Variants in FKBP5 observed in about 807,000 individuals in gnomAD.
FKBP5 encodes FKBP prolyl isomerase 5.
A neutral mutation model predicts 50.5 loss-of-function variants in FKBP5; 23 were observed. That is an observed-to-expected ratio of 0.46 (90% CI 0.33 to 0.65). The LOEUF (loss-of-function observed/expected upper bound fraction) is 0.65, where lower values mean the gene tolerates loss of function less well. Among genes scored for constraint, FKBP5 ranks in the 30% least tolerant of loss-of-function variants. The pLI is 0.02. For missense variants in FKBP5, 411 were observed against 553.1 expected (o/e 0.74, Z 2.58); for synonymous variants, 176 against 190.6 (o/e 0.92, Z 0.63).
intron 5 of FKBP5, among the ~76,000 whole-genome samples, chr6:35,614,025 A>G (rs1342669320): frequency 6.6e-6 from 1 of 152,126 alleles, no homozygotes; most frequent in Admixed American, 6.5e-5. Context: ...TCTTCTGGGT[A>G]GCTGGGACTA....
At chr6:35,586,337 T>G (rs1416367057) in intron 8 of FKBP5, 1 of 985,066 alleles carries the variant, frequency 1.0e-6, no homozygotes, top group African/African-American at 1.7e-5. Context: ...TATCCGGAGA[T>G]TCCTCATAAA....
intron 1 of FKBP5, among the ~76,000 whole-genome samples, chr6:35,723,089 T>C (rs1252935121): frequency 1.1e-4 from 16 of 151,786 alleles, no homozygotes; most frequent in Non-Finnish European, 1.6e-4. Context: ...AAAAATTAGC[T>C]GGGCGTGGTG....
intron 2 of FKBP5, among the ~76,000 whole-genome samples, chr6:35,638,473 C>G (rs952010036): frequency 6.6e-6 from 1 of 152,084 alleles, no homozygotes; most frequent in Non-Finnish European, 1.5e-5. Flanking sequence ...AGAGTGCATG[C>G]GGTGGTACAA....
chr6:35,648,376 C>A (rs929090496), intron 1 of FKBP5, among the ~76,000 whole-genome samples: 2 of 152,040 alleles, frequency 1.3e-5, no homozygotes, highest in African/African-American at 4.8e-5. Flanking sequence ...CTCAAGCAAT[C>A]CTCCCCTTCA....
At chr6:35,724,328 C>G (rs966345383) in intron 1 of FKBP5, among the ~76,000 whole-genome samples, 3 of 152,156 alleles carry the variant, frequency 2.0e-5, no homozygotes, top group Non-Finnish European at 2.9e-5. Flanking sequence ...ACGGAGCCCA[C>G]AGCCAGCAGG....
At chr6:35,690,158 C>T (rs558251401), upstream of FKBP5, among the ~76,000 whole-genome samples, 57 of 152,312 alleles carry the variant, frequency 3.7e-4, no homozygotes, top group South Asian at 3.7e-3. Context: ...CAGAAATCGC[C>T]ATGCTGCCTT....
chr6:35,712,519 CT>C (rs937721444), intron 2 of FKBP5, among the ~76,000 whole-genome samples: 2 of 152,034 alleles, frequency 1.3e-5, no homozygotes, highest in African/African-American at 4.8e-5. Flanking sequence ...CTAGTTGGGC[CT>C]GGCACTAGGA....
Position 35,640,096 on chromosome 6 carries a change from T to C in FKBP5, c.105+2624A>G, listed in dbSNP as rs1043417294. 9.2e-5 allele frequency among the ~76,000 whole-genome samples: 14 copies of C among 152,208 alleles called. No homozygotes were observed. The South Asian group carries it at 1.4e-3, about 16-fold the overall frequency. On this transcript the variant is annotated intron_variant, in intron 2 of 10. Transcript: ENST00000357266. ...AAATGCACGTGAAAATGATTAACTA[T>C]AGAGTGAAGAAACACACACAGTCAT...
At chr6:35,626,845 G>A (rs1022077487) in intron 3 of FKBP5, among the ~76,000 whole-genome samples, 3 of 152,074 alleles carry the variant, frequency 2.0e-5, no homozygotes, top group African/African-American at 7.2e-5. Context: ...TCCACTGTAC[G>A]TTTATATCAC....
chr6:35,700,636 C>T (rs560103643), intron 2 of FKBP5, among the ~76,000 whole-genome samples: 33 of 152,242 alleles, frequency 2.2e-4, no homozygotes, highest in African/African-American at 6.7e-4. Context: ...GTGCTGGGCT[C>T]ACCTCTCTGG....
chr6:35,698,902 A>G (rs543642284), intron 2 of FKBP5, among the ~76,000 whole-genome samples: 1 of 152,298 alleles, frequency 6.6e-6, no homozygotes, highest in South Asian at 2.1e-4. Context: ...CAAACCATGC[A>G]TGAGAAATCC....
intron 5 of FKBP5, among the ~76,000 whole-genome samples, chr6:35,598,283 C>T (rs138824588): frequency 9.2e-5 from 14 of 152,258 alleles, no homozygotes; most frequent in Middle Eastern, 3.4e-3. Flanking sequence ...AGTGCAGTGG[C>T]GTGATATCTG....
intron 5 of FKBP5, among the ~76,000 whole-genome samples, chr6:35,597,856 T>C (rs1763024023): frequency 1.3e-5 from 2 of 152,210 alleles, no homozygotes; most frequent in African/African-American, 4.8e-5. Context: ...TCCAATGATA[T>C]ACAAAGATTA....
chr6:35,654,184 T>C (rs917678570), intron 1 of FKBP5, among the ~76,000 whole-genome samples: 5 of 152,370 alleles, frequency 3.3e-5, no homozygotes, highest in Middle Eastern at 6.8e-3. Flanking sequence ...TTATTGTTTA[T>C]AGATTTTGGT....
chr6:35,644,577 T>C (rs946745436), intron 1 of FKBP5, among the ~76,000 whole-genome samples: 1 of 152,212 alleles, frequency 6.6e-6, no homozygotes, highest in Non-Finnish European at 1.5e-5. Context: ...TCTAGTACGC[T>C]TTATACCAAA....
chr6:35,603,541 CT>C (rs1211550688), intron 5 of FKBP5, among the ~76,000 whole-genome samples: 1 of 151,972 alleles, frequency 6.6e-6, no homozygotes, highest in African/African-American at 2.4e-5. Flanking sequence ...ATTAGTATTC[CT>C]ATTTTAATAA....
chr6:35,584,554 T>C, intron 8 of FKBP5: 1 of 985,360 alleles, frequency 1.0e-6, no homozygotes, highest in Non-Finnish European at 1.2e-6. Context: ...CTGCCCTGAG[T>C]TGGGAAGGGA....
intron 2 of FKBP5, 99 bp from the exon 3 acceptor site, chr6:35,637,257 T>C: frequency 1.0e-6 from 1 of 983,946 alleles, no homozygotes; most frequent in South Asian, 1.5e-5. Flanking sequence ...TCCAGGCAGA[T>C]ATGCAAATAT....
chr6:35,685,370 G>A (rs181453463), intron 1 of FKBP5, among the ~76,000 whole-genome samples: 1 of 152,156 alleles, frequency 6.6e-6, no homozygotes, highest in East Asian at 1.9e-4. Flanking sequence ...CCACCCAGTC[G>A]CTACTGAATG....
Sources: gnomAD v4.1 joint callset for allele counts (sites outside exome capture counted in the v4.1 genomes callset) on GRCh38, gnomAD v4.1.1 for gene constraint, MANE v1.5 for transcripts, NCBI Gene and HGNC (gene_info 2026-07-23, HGNC 2026-07-21) for gene names.